RTL10: variants seen among roughly 807,000 people sequenced by gnomAD.
RTL10 encodes protein Bop.
For synonymous variants in RTL10, 199 were observed against 188.4 expected, an observed-to-expected ratio of 1.06 and a Z score of -0.46; for missense variants, 477 against 470.7, an observed-to-expected ratio of 1.01 and a Z score of -0.12.
rs143337064 is a variant in RTL10, at chr22:19,851,782, C to G, written c.480G>C (p.Gly160=). 3.7e-6 allele frequency: 6 copies of G among 1,613,426 alleles called. No individual in the cohort carries two copies. The highest frequency in any genetic ancestry group is 5.1e-6 in the Non-Finnish European group (6 of 1,179,608). The part of the protein sequence containing the change: ...AQAWAAPYLD[G]DLPLPDDYEL... ...CGTAATCGTCAGGCAGGGGCAGGTC[C>G]CCATCAAGGTAGGGGGCTGCCCAGG... The change falls in exon 3 of 3, where the codon GGG becomes GGC. Residue 160 remains glycine (G), a synonymous_variant. Transcript: ENST00000328554.
At position 19,851,556 on chromosome 22, in the gene RTL10, C is replaced by T; in HGVS notation, c.706G>A (p.Ala236Thr). ...GACACAGCAGGGGTGGCCATGGCGGCTGGTAAAGACCTGGGGGCAGTACCC... is the reference window on the plus strand; with the variant it reads ...GACACAGCAGGGGTGGCCATGGCGGTTGGTAAAGACCTGGGGGCAGTACCC... Reference protein sequence around the residue: ...DMGTAPRSLPAAMATPAVSGS... With the variant: ...DMGTAPRSLPTAMATPAVSGS... The change falls in exon 3 of 3, where the codon GCC becomes ACC. Residue 236 changes from alanine (A) to threonine (T), a missense_variant. Physicochemically the swap from Ala to Thr is moderately conservative, Grantham distance 58 (BLOSUM62 0). Transcript: ENST00000328554. 1 of 1,612,888 alleles carries T rather than the reference C, an allele frequency of 6.2e-7. No individual in the cohort carries two copies.
At position 19,850,142 on chromosome 22, in the gene RTL10, G is replaced by A. The variant is rs1339556879; in HGVS notation, c.*1025C>T. The A allele has an allele frequency of 2.0e-6, 2 of 985,528 alleles. No homozygotes were observed. The highest frequency in any genetic ancestry group is 2.4e-6 in the Non-Finnish European group (2 of 830,064). The allele number at this position is 985,528 out of a possible 1,614,324, so 61.0% of individuals were successfully genotyped here. ...AAAGCCCCTGCCAGAAACCACAGCT[G>A]CAATGCTGACCTGGAATGCTCATGG... On this transcript the variant is annotated 3_prime_UTR_variant, in exon 3 of 3. Transcript: ENST00000328554.
In RTL10 at chr22:19,848,721, C is replaced by A. The variant is rs576763638; in HGVS notation, c.*2446G>T. On this transcript the variant is annotated 3_prime_UTR_variant, in exon 3 of 3. Coordinates refer to ENST00000328554, the MANE Select transcript of RTL10 (RefSeq NM_024627.6). ...GACTGGCCCTCAGACACACGGCAGA[C>A]CATAACTCACACACCCCCAGGAGCT... The A allele has an allele frequency of 5.1e-4, 506 of 985,516 alleles. No homozygotes were observed. Among genetic ancestry groups the A allele is most frequent in the Non-Finnish European group, 5.9e-4 (490 of 830,000 alleles). The allele number at this position is 985,516 out of a possible 1,614,324, so 61.0% of individuals were successfully genotyped here. A position where few individuals can be genotyped will look rare whatever the true frequency, so the allele number is the denominator to read the frequency against.
rs979518786 is a variant in RTL10, at chr22:19,846,784, G to A, written c.*4383C>T. 16 of 428,562 alleles carry A rather than the reference G, an allele frequency of 3.7e-5. No individual in the cohort carries two copies. Among genetic ancestry groups the A allele is most frequent in the Non-Finnish European group, 4.7e-5 (15 of 320,868 alleles). The allele number at this position is 428,562 out of a possible 1,614,324, so 26.5% of individuals were successfully genotyped here. A position where few individuals can be genotyped will look rare whatever the true frequency, so the allele number is the denominator to read the frequency against. On this transcript the variant is annotated 3_prime_UTR_variant, in exon 3 of 3. Transcript: ENST00000328554. ...AGAAGATGGCTATCTGCAGGCCAAG[G>A]AGCGAGGCCTCAGGAGAAACCAACC...
chr22:19,850,909 C>T lies in RTL10; in HGVS notation c.*258G>A, dbSNP rs905871328. ...CTCGTGGGAGCAGGCCTGGGTGAGA[C>T]GGCACTCCCAGAAGACGGGCAGGGA... On this transcript the variant is annotated 3_prime_UTR_variant, in exon 3 of 3. Transcript: ENST00000328554. 2.8e-5 allele frequency: 38 copies of T among 1,362,806 alleles called. No individual in the cohort carries two copies. In the African/African-American group the frequency reaches 3.5e-4, roughly 13 times the overall value. The allele number at this position is 1,362,806 out of a possible 1,614,324, so 84.4% of individuals were successfully genotyped here. A position where few individuals can be genotyped will look rare whatever the true frequency, so the allele number is the denominator to read the frequency against.
chr22:19,849,974 T>C lies in RTL10; in HGVS notation c.*1193A>G. 1.1e-5 allele frequency: 11 copies of C among 985,490 alleles called. No individual in the cohort carries two copies. The highest frequency in any genetic ancestry group is 1.3e-5 in the Non-Finnish European group (11 of 830,004). The allele number at this position is 985,490 out of a possible 1,614,324, so 61.0% of individuals were successfully genotyped here. A position where few individuals can be genotyped will look rare whatever the true frequency, so the allele number is the denominator to read the frequency against. ...AACAGGTCTTTCTTCATTCCATTCC[T>C]CTGGGCCTGGGGCCTCACAGCTCTG... On this transcript the variant is annotated 3_prime_UTR_variant, in exon 3 of 3. Coordinates refer to ENST00000328554, the MANE Select transcript of RTL10 (RefSeq NM_024627.6).
chr22:19,854,344 A>C (rs1289802201), intron 2 of RTL10, 99 bp downstream of exon 2: 4 of 152,790 alleles, frequency 2.6e-5, no homozygotes, highest in African/African-American at 9.6e-5. Flanking sequence ...AAAGCCTTAA[A>C]GCAAGCTGAG....
chr22:19,850,715 G>A lies in RTL10; in HGVS notation c.*452C>T. 4 of 1,236,396 alleles carry A rather than the reference G, an allele frequency of 3.2e-6. No homozygotes were observed. The highest frequency in any genetic ancestry group is 1.5e-5 in the African/African-American group (1 of 64,612). The allele number at this position is 1,236,396 out of a possible 1,614,324, so 76.6% of individuals were successfully genotyped here. ...AGGGAGCAGAGAGGGTGGGGCTAGG[G>A]GGACAGACACAGAAACCCCATACAG... On this transcript the variant is annotated 3_prime_UTR_variant, in exon 3 of 3. Transcript: ENST00000328554.
At chr22:19,852,591 G>GC in intron 2 of RTL10, 105 bp from the exon 3 acceptor site, 1 of 306,148 alleles carries the variant, frequency 3.3e-6, no homozygotes, top group Non-Finnish European at 6.0e-6. Context: ...ACCCAACTAG[G>GC]AGCTTTGAAT....
rs1032032631 is a variant in RTL10, at chr22:19,848,529, G to A, written c.*2638C>T. On this transcript the variant is annotated 3_prime_UTR_variant, in exon 3 of 3. Transcript: ENST00000328554. ...CTGGAAGGCCATGCCAGAGTCCATCGTTGCCTCCACCCTACCTGTGCAGGA... is the reference window on the plus strand; with the variant it reads ...CTGGAAGGCCATGCCAGAGTCCATCATTGCCTCCACCCTACCTGTGCAGGA... 8 of 985,388 alleles carry A rather than the reference G, an allele frequency of 8.1e-6. No homozygotes were observed. In the South Asian group the frequency reaches 1.4e-4, roughly 17 times the overall value. 61.0% of individuals were successfully genotyped at this position (985,388 alleles called of 1,614,324 possible). A position where few individuals can be genotyped will look rare whatever the true frequency, so the allele number is the denominator to read the frequency against.
chr22:19,846,284 G>T lies in RTL10; in HGVS notation c.*4883C>A. 1 of 336,850 alleles carries T rather than the reference G, an allele frequency of 3.0e-6. No individual in the cohort carries two copies. The highest frequency in any genetic ancestry group is 4.2e-6 in the Non-Finnish European group (1 of 236,404). 20.9% of individuals were successfully genotyped at this position (336,850 alleles called of 1,614,324 possible). ...CAGTTACACTTACAGGTGGACTCAA[G>T]GTTGAATGTCAAAGGCAGAAAGTTA... On this transcript the variant is annotated 3_prime_UTR_variant, in exon 3 of 3. Coordinates refer to ENST00000328554, the MANE Select transcript of RTL10 (RefSeq NM_024627.6).
In RTL10 at chr22:19,846,732, GAC is replaced by G. The variant is rs1465572456; in HGVS notation, c.*4433_*4434del. On this transcript the variant is annotated 3_prime_UTR_variant, in exon 3 of 3. Coordinates refer to ENST00000328554, the MANE Select transcript of RTL10 (RefSeq NM_024627.6). ...GACTAGTGAGCTTATGAGAGATTAG[GAC>G]ACAGACACAGACAGGGACACGGCAA... 1 of 346,896 alleles carries G rather than the reference GAC, an allele frequency of 2.9e-6. No homozygotes were observed. Among genetic ancestry groups the G allele is most frequent in the Non-Finnish European group, 4.1e-6 (1 of 246,256 alleles). 21.5% of individuals were successfully genotyped at this position (346,896 alleles called of 1,614,324 possible).
intron 2 of RTL10, among the ~76,000 whole-genome samples, chr22:19,853,178 A>G (rs1938149821): frequency 6.6e-6 from 1 of 151,408 alleles, no homozygotes; most frequent in South Asian, 2.1e-4. Context: ...CCACCCACAA[A>G]CACCACCTTT....
rs1938079427 is a variant in RTL10, at chr22:19,850,929, C to A, written c.*238G>T. ...TGAGACGGCACTCCCAGAAGACGGG[C>A]AGGGATGCAGCAGAGAGCCAGCAGC... On this transcript the variant is annotated 3_prime_UTR_variant, in exon 3 of 3. Coordinates refer to ENST00000328554, the MANE Select transcript of RTL10 (RefSeq NM_024627.6). 1.5e-6 allele frequency: 2 copies of A among 1,363,118 alleles called. No homozygotes were observed. The highest frequency in any genetic ancestry group is 1.5e-5 in the African/African-American group (1 of 68,588). 84.4% of individuals were successfully genotyped at this position (1,363,118 alleles called of 1,614,324 possible).
rs1009120028 is a variant in RTL10, at chr22:19,850,991, G to A, written c.*176C>T. The stretch of plus-strand genomic sequence containing the variant: ...ACAGGGCGGAGGTCAAGCTCTGCTG[G>A]AGTTGGGGGAGCTGGTTCTGCTCAG... On this transcript the variant is annotated 3_prime_UTR_variant, in exon 3 of 3. Coordinates refer to ENST00000328554, the MANE Select transcript of RTL10 (RefSeq NM_024627.6). 4 of 1,416,016 alleles carry A rather than the reference G, an allele frequency of 2.8e-6. No individual in the cohort carries two copies. The African/African-American group carries it at 5.8e-5, about 20-fold the overall frequency. The allele number at this position is 1,416,016 out of a possible 1,614,324, so 87.7% of individuals were successfully genotyped here.
chr22:19,849,776 T>C lies in RTL10; in HGVS notation c.*1391A>G, dbSNP rs1453042074. On this transcript the variant is annotated 3_prime_UTR_variant, in exon 3 of 3. Coordinates refer to ENST00000328554, the MANE Select transcript of RTL10 (RefSeq NM_024627.6). ...TTTCTTCCTACTTTCCAGGAAGGTG[T>C]TGTTTTGTTGTTTTCACAATTGTAA... 2 of 985,358 alleles carry C rather than the reference T, an allele frequency of 2.0e-6. No homozygotes were observed. The highest frequency in any genetic ancestry group is 2.4e-6 in the Non-Finnish European group (2 of 829,940). 61.0% of individuals were successfully genotyped at this position (985,358 alleles called of 1,614,324 possible). A position where few individuals can be genotyped will look rare whatever the true frequency, so the allele number is the denominator to read the frequency against.
In RTL10 at chr22:19,847,995, C is replaced by A; in HGVS notation, c.*3172G>T. 1.0e-6 allele frequency: 1 copy of A among 985,076 alleles called. No individual in the cohort carries two copies. The highest frequency in any genetic ancestry group is 1.2e-6 in the Non-Finnish European group (1 of 829,764). The allele number at this position is 985,076 out of a possible 1,614,324, so 61.0% of individuals were successfully genotyped here. A position where few individuals can be genotyped will look rare whatever the true frequency, so the allele number is the denominator to read the frequency against. ...ACTCGTTAATTGGAAACACCTCTAG[C>A]CTGTACTAAATTTCCATATTTATTT... On this transcript the variant is annotated 3_prime_UTR_variant, in exon 3 of 3. Transcript: ENST00000328554.
chr22:19,852,775 C>G (rs1210648401), intron 2 of RTL10, among the ~76,000 whole-genome samples: 1 of 152,120 alleles, frequency 6.6e-6, no homozygotes, highest in East Asian at 1.9e-4. Flanking sequence ...CACTGAGTGC[C>G]CCATTTGTGC....
In RTL10 at chr22:19,848,683, G is replaced by A. The variant is rs922637808; in HGVS notation, c.*2484C>T. ...CCCAAGGACTCTCAAGCCTGCCTAGGTGGATGCTGCATGACTGGCCCTCAG... is the reference window on the plus strand; with the variant it reads ...CCCAAGGACTCTCAAGCCTGCCTAGATGGATGCTGCATGACTGGCCCTCAG... On this transcript the variant is annotated 3_prime_UTR_variant, in exon 3 of 3. Transcript: ENST00000328554. The A allele has an allele frequency of 8.6e-5, 85 of 985,310 alleles. No homozygotes were observed. The highest frequency in any genetic ancestry group is 9.5e-5 in the Non-Finnish European group (79 of 829,956). The allele number at this position is 985,310 out of a possible 1,614,324, so 61.0% of individuals were successfully genotyped here.
Sources: gnomAD v4.1 joint callset for allele counts (sites outside exome capture counted in the v4.1 genomes callset) on GRCh38, gnomAD v4.1.1 for gene constraint, MANE v1.5 for transcripts, NCBI Gene and HGNC (gene_info 2026-07-23, HGNC 2026-07-21) for gene names.